The following RAC1 variants were observed in gnomAD, a reference collection of about 807,000 sequenced individuals.
RAC1 encodes Rac family small GTPase 1.
Under a neutral mutation model 25.2 loss-of-function variants are expected in RAC1, and 2 were observed. That is an observed-to-expected ratio of 0.08 (90% CI 0.03 to 0.25). The LOEUF (loss-of-function observed/expected upper bound fraction) is 0.25. Ranked by LOEUF, RAC1 falls within the 10% of genes least tolerant of loss-of-function variation. The pLI is 1.00. For missense variants in RAC1, 50 were observed against 235.7 expected, an observed-to-expected ratio of 0.21 and a Z score of 5.16; for synonymous variants, 88 against 94.0, an observed-to-expected ratio of 0.94 and a Z score of 0.37.
intron 3 of RAC1, chr7:6,399,868 T>C (rs1783347383): frequency 9.4e-6 from 5 of 529,148 alleles, no homozygotes; most frequent in Non-Finnish European, 1.3e-5. Flanking sequence ...GGTCTGATCC[T>C]CCTGATCCTT....
chr7:6,401,004 T>G (rs1783385526), intron 4 of RAC1, among the ~76,000 whole-genome samples: 1 of 152,020 alleles, frequency 6.6e-6, no homozygotes, highest in Non-Finnish European at 1.5e-5. Context: ...TCATCCAAGC[T>G]GGAGTGCAGT....
chr7:6,382,600 A>C (rs1782800573), intron 1 of RAC1, among the ~76,000 whole-genome samples: 1 of 152,226 alleles, frequency 6.6e-6, no homozygotes, highest in Non-Finnish European at 1.5e-5. Flanking sequence ...GTGGTGGCTC[A>C]CGCCTGTAAC....
At chr7:6,378,329 T>C (rs1346317117) in intron 1 of RAC1, among the ~76,000 whole-genome samples, 4 of 152,050 alleles carry the variant, frequency 2.6e-5, no homozygotes, top group African/African-American at 9.7e-5. Context: ...GCGGATCACC[T>C]GAGGTCAGGA....
chr7:6,403,271 TGAAA>T lies in RAC1; in HGVS notation c.*831_*834del, dbSNP rs776663992. 5.1e-5 allele frequency: 11 copies of T among 214,662 alleles called. No homozygotes were observed. Among genetic ancestry groups the T allele is most frequent in the Admixed American group, 2.3e-4 (4 of 17,082 alleles). The allele number at this position is 214,662 out of a possible 1,614,324, so 13.3% of individuals were successfully genotyped here. A position where few individuals can be genotyped will look rare whatever the true frequency, so the allele number is the denominator to read the frequency against. On this transcript the variant is annotated 3_prime_UTR_variant, in exon 6 of 6. Transcript: ENST00000348035. ...AATTTCTGTCAAATGCAGTAGATGA[TGAAA>T]GAAAGGTTGGTATTATCAGGAAATG...
intron 1 of RAC1, 97 bp from the exon 2 acceptor site, chr7:6,387,115 C>T (rs1782944128): frequency 1.3e-6 from 1 of 774,860 alleles, no homozygotes; most frequent in East Asian, 2.6e-5. Flanking sequence ...GATGTATATG[C>T]CTTGATTTTT....
intron 3 of RAC1, among the ~76,000 whole-genome samples, chr7:6,399,397 A>G (rs1783337031): frequency 6.6e-6 from 1 of 152,254 alleles, no homozygotes; most frequent in Non-Finnish European, 1.5e-5. Context: ...GCATTTTTAA[A>G]TACAGGTGAA....
chr7:6,375,047 A>ACGCCGCC (rs1175651866), intron 1 of RAC1, among the ~76,000 whole-genome samples: 3 of 148,896 alleles, frequency 2.0e-5, no homozygotes, highest in Non-Finnish European at 4.5e-5. Context: ...TTCTTCCCGG[A>ACGCCGCC]CGCCGCCCGC....
At chr7:6,388,412 C>T (rs1782987269) in intron 2 of RAC1, among the ~76,000 whole-genome samples, 1 of 141,698 alleles carries the variant, frequency 7.1e-6, no homozygotes, top group Non-Finnish European at 1.5e-5. Context: ...GTGATGCGAT[C>T]TCAGCTCACT....
At chr7:6,383,612 C>T (rs35194102) in intron 1 of RAC1, among the ~76,000 whole-genome samples, 3,442 of 152,078 alleles carry the variant, frequency 0.023, 64 homozygotes, top group Middle Eastern at 0.041. Context: ...GGATTTTAGA[C>T]ACAGCTGGTT....
At chr7:6,392,912 C>G (rs35699473) in intron 3 of RAC1, among the ~76,000 whole-genome samples, 1 of 152,192 alleles carries the variant, frequency 6.6e-6, no homozygotes, top group Non-Finnish European at 1.5e-5. Context: ...GTACGTGTCA[C>G]GCACGCATAA....
chr7:6,395,944 T>C (rs1783225246), intron 3 of RAC1, among the ~76,000 whole-genome samples: 2 of 152,160 alleles, frequency 1.3e-5, no homozygotes, highest in African/African-American at 4.8e-5. Context: ...TCTTACTCCA[T>C]GGAAAGTGGA....
At chr7:6,396,241 G>A (rs1419431679) in intron 3 of RAC1, among the ~76,000 whole-genome samples, 2 of 152,162 alleles carry the variant, frequency 1.3e-5, no homozygotes, top group African/African-American at 2.4e-5. Flanking sequence ...GACACCGGTG[G>A]TGCCCTCTCA....
intron 3 of RAC1, chr7:6,398,812 C>T (rs930941153): frequency 5.9e-6 from 7 of 1,184,818 alleles, no homozygotes; most frequent in Non-Finnish European, 8.6e-6. Context: ...GCCTCAAGCT[C>T]CTTGAGTGTT....
chr7:6,379,296 G>A (rs180710702), intron 1 of RAC1, among the ~76,000 whole-genome samples: 1,635 of 110,944 alleles, frequency 0.015, 20 homozygotes, highest in Middle Eastern at 0.049. Flanking sequence ...TTTTTGAGAA[G>A]GAGTTTTCGC....
At chr7:6,378,816 G>A (rs773604624) in intron 1 of RAC1, among the ~76,000 whole-genome samples, 17 of 152,004 alleles carry the variant, frequency 1.1e-4, no homozygotes, top group African/African-American at 1.7e-4. Flanking sequence ...ACCCGGGCGC[G>A]ATGGCTCATG....
chr7:6,385,472 G>A (rs1206972609), intron 1 of RAC1, among the ~76,000 whole-genome samples: 1 of 152,156 alleles, frequency 6.6e-6, no homozygotes. Context: ...TCAAATCTGG[G>A]CTTCTGACTC....
intron 1 of RAC1, among the ~76,000 whole-genome samples, chr7:6,377,534 G>T (rs1477431387): frequency 6.6e-6 from 1 of 152,190 alleles, no homozygotes; most frequent in Admixed American, 6.6e-5. Flanking sequence ...GGTGGAGGTT[G>T]TAGTGAGCTG....
At chr7:6,387,004 T>C (rs1291637615) in intron 1 of RAC1, among the ~76,000 whole-genome samples, 1 of 152,154 alleles carries the variant, frequency 6.6e-6, no homozygotes, top group Non-Finnish European at 1.5e-5. Context: ...TGACTCTATC[T>C]TTCTGAGAAA....
At chr7:6,394,923 T>C (rs181895640) in intron 3 of RAC1, among the ~76,000 whole-genome samples, 126 of 152,244 alleles carry the variant, frequency 8.3e-4, no homozygotes, top group African/African-American at 2.2e-3. Flanking sequence ...GGTGCGATCT[T>C]GGCTCACTGC....
Sources: gnomAD v4.1 joint callset for allele counts (sites outside exome capture counted in the v4.1 genomes callset) on GRCh38, gnomAD v4.1.1 for gene constraint, MANE v1.5 for transcripts, NCBI Gene and HGNC (gene_info 2026-07-23, HGNC 2026-07-21) for gene names.